Variants in CMC1 observed in about 807,000 individuals in gnomAD.
CMC1 encodes COX assembly mitochondrial protein homolog.
In CMC1, 14 loss-of-function variants were observed where a neutral mutation model predicts 14.1. That is an observed-to-expected ratio of 0.99 (90% CI 0.66 to 1.55). The LOEUF is 1.55. Among genes scored for constraint, CMC1 ranks in the 40% most tolerant of loss-of-function variants. The probability of loss-of-function intolerance (pLI) is 0.00; values close to 1 mark genes in which losing one functional copy is unlikely to be tolerated. For synonymous variants in CMC1, 50 were observed against 38.4 expected, an observed-to-expected ratio of 1.30 and a Z score of -1.12; for missense variants, 127 against 123.8, an observed-to-expected ratio of 1.03 and a Z score of -0.12.
chr3:28,295,740 C>CCG (rs1701707054), intron 2 of CMC1, among the ~76,000 whole-genome samples: 1 of 152,066 alleles, frequency 6.6e-6, no homozygotes, highest in African/African-American at 2.4e-5. Flanking sequence ...TAAGAATATA[C>CCG]AGTTTCCCTC....
chr3:28,304,416 A>T (rs1223081179), intron 2 of CMC1, among the ~76,000 whole-genome samples: 1 of 152,042 alleles, frequency 6.6e-6, no homozygotes, highest in Non-Finnish European at 1.5e-5. Flanking sequence ...TGTCCTAGAG[A>T]ATTGAAAATA....
chr3:28,241,693 CG>C lies in CMC1; in HGVS notation c.-96del. 3.2e-6 allele frequency: 4 copies of C among 1,236,902 alleles called. No individual in the cohort carries two copies. The highest frequency in any genetic ancestry group is 3.1e-4 in the Middle Eastern group (1 of 3,222). The allele number at this position is 1,236,902 out of a possible 1,614,324, so 76.6% of individuals were successfully genotyped here. ...CCGTGTTTCTGTTGCGGGAAGCTCC[CG>C]GGGGTCGCACGTGCGTCCGAGCCCA... On this transcript the variant is annotated 5_prime_UTR_variant, in exon 1 of 4. Coordinates refer to ENST00000466830, the MANE Select transcript of CMC1 (RefSeq NM_182523.2).
intron 1 of CMC1, among the ~76,000 whole-genome samples, chr3:28,253,258 C>G (rs1054071643): frequency 6.6e-6 from 1 of 152,116 alleles, no homozygotes; most frequent in Non-Finnish European, 1.5e-5. Context: ...GGGGCTCTGC[C>G]TTTTGAGACT....
chr3:28,300,586 T>A (rs1701973761), intron 2 of CMC1, among the ~76,000 whole-genome samples: 1 of 149,924 alleles, frequency 6.7e-6, no homozygotes, highest in Non-Finnish European at 1.5e-5. Flanking sequence ...CAAAATGATT[T>A]CTATCTCTCT....
At chr3:28,279,709 A>T (rs908568033) in intron 2 of CMC1, among the ~76,000 whole-genome samples, 2 of 152,222 alleles carry the variant, frequency 1.3e-5, no homozygotes, top group African/African-American at 4.8e-5. Context: ...TAGGAATCAT[A>T]ACCTAAAGAT....
chr3:28,313,206 ATAAAT>A (rs569871551), intron 2 of CMC1, among the ~76,000 whole-genome samples: 43 of 152,290 alleles, frequency 2.8e-4, no homozygotes, highest in African/African-American at 9.9e-4. Flanking sequence ...TTTCTTTGAG[ATAAAT>A]TAAGAGTTTA....
chr3:28,250,560 T>A (rs755943922), intron 1 of CMC1, among the ~76,000 whole-genome samples: 3 of 152,222 alleles, frequency 2.0e-5, no homozygotes, highest in Non-Finnish European at 4.4e-5. Flanking sequence ...TTCTTCTTTC[T>A]GTAAATATTT....
intron 1 of CMC1, 128 bp downstream of exon 1, chr3:28,241,940 C>G: frequency 1.0e-6 from 1 of 981,802 alleles, no homozygotes; most frequent in Non-Finnish European, 1.3e-6. Flanking sequence ...ACCAGCGTCT[C>G]CTCATACCCG....
intron 2 of CMC1, among the ~76,000 whole-genome samples, chr3:28,296,733 T>G (rs899338509): frequency 5.3e-5 from 8 of 152,110 alleles, no homozygotes; most frequent in African/African-American, 1.9e-4. Context: ...CTGCTATGAT[T>G]ATGACTTATT....
intron 2 of CMC1, chr3:28,292,670 AT>A: frequency 6.6e-6 from 1 of 152,158 alleles, no homozygotes; most frequent in African/African-American, 2.4e-5. Flanking sequence ...TTAGTATATA[AT>A]AGGATGTTTG....
chr3:28,281,461 A>G (rs112008683), intron 2 of CMC1, among the ~76,000 whole-genome samples: 7 of 152,216 alleles, frequency 4.6e-5, no homozygotes, highest in African/African-American at 1.4e-4. Context: ...AGTAATTTTT[A>G]AAACTTCTGA....
At chr3:28,283,311 C>T (rs1394089437) in intron 2 of CMC1, among the ~76,000 whole-genome samples, 1 of 151,708 alleles carries the variant, frequency 6.6e-6, no homozygotes, top group Non-Finnish European at 1.5e-5. Flanking sequence ...GTCAGGAGTT[C>T]GAGACCAGCC....
At chr3:28,292,902 G>A (rs1350443039) in intron 2 of CMC1, 1 of 152,098 alleles carries the variant, frequency 6.6e-6, no homozygotes, top group African/African-American at 2.4e-5. Flanking sequence ...TTTATCAAAC[G>A]TCATTCTATT....
chr3:28,241,705 G>C lies in CMC1; in HGVS notation c.-89G>C. 1 of 1,237,888 alleles carries C rather than the reference G, an allele frequency of 8.1e-7. No individual in the cohort carries two copies. Among genetic ancestry groups the C allele is most frequent in the East Asian group, 3.2e-5 (1 of 31,646 alleles). The allele number at this position is 1,237,888 out of a possible 1,614,324, so 76.7% of individuals were successfully genotyped here. On this transcript the variant is annotated 5_prime_UTR_variant, in exon 1 of 4. Transcript: ENST00000466830. ...TGCGGGAAGCTCCCGGGGGTCGCAC[G>C]TGCGTCCGAGCCCAAGCCCCTCCCC...
At chr3:28,307,046 A>G (rs1250314933) in intron 2 of CMC1, among the ~76,000 whole-genome samples, 2 of 152,200 alleles carry the variant, frequency 1.3e-5, no homozygotes, top group Non-Finnish European at 2.9e-5. Context: ...TCACTTTTAG[A>G]TTTACAAATA....
At position 28,319,656 on chromosome 3, in the gene CMC1, C is replaced by T. The variant is rs1196970922; in HGVS notation, c.*27C>T. The T allele has an allele frequency of 1.9e-6, 3 of 1,569,712 alleles. No homozygotes were observed. The highest frequency in any genetic ancestry group is 2.6e-6 in the Non-Finnish European group (3 of 1,160,372). On this transcript the variant is annotated 3_prime_UTR_variant, in exon 4 of 4. Transcript: ENST00000466830. ...CAGATACTCAAATGACATTCAGGAA[C>T]TCTAATATTCATGGAAGTCATTTTA...
chr3:28,295,127 G>A (rs916514458), intron 2 of CMC1, among the ~76,000 whole-genome samples: 4 of 152,056 alleles, frequency 2.6e-5, no homozygotes, highest in African/African-American at 7.2e-5. Flanking sequence ...TTACTCTTAA[G>A]TGTGTAAGCC....
At chr3:28,272,807 C>G (rs897253751) in intron 2 of CMC1, among the ~76,000 whole-genome samples, 20 of 152,250 alleles carry the variant, frequency 1.3e-4, no homozygotes, top group African/African-American at 4.8e-4. Context: ...GCCTAAGCCT[C>G]CCAAGTAGCT....
intron 2 of CMC1, among the ~76,000 whole-genome samples, chr3:28,303,256 T>G (rs1406246873): frequency 6.6e-6 from 1 of 152,158 alleles, no homozygotes; most frequent in African/African-American, 2.4e-5. Context: ...AAAAAATGAT[T>G]AGGAAGTTGT....
Sources: gnomAD v4.1 joint callset for allele counts (sites outside exome capture counted in the v4.1 genomes callset) on GRCh38, gnomAD v4.1.1 for gene constraint, MANE v1.5 for transcripts, NCBI Gene and HGNC (gene_info 2026-07-23, HGNC 2026-07-21) for gene names.